SAR1A: variants seen among roughly 807,000 people sequenced by gnomAD.
The protein encoded by SAR1A is small COPII coat GTPase SAR1A.
In SAR1A, 6 loss-of-function variants were observed where a neutral mutation model predicts 22.6. That is an observed-to-expected ratio of 0.27 (90% confidence interval 0.15 to 0.52). The LOEUF (loss-of-function observed/expected upper bound fraction) is 0.52. Ranked by LOEUF, SAR1A falls within the 20% of genes least tolerant of loss-of-function variation. The pLI is 0.96. For missense variants in SAR1A, 145 were observed against 245.1 expected (o/e 0.59, Z 2.73); for synonymous variants, 70 against 82.2 (o/e 0.85, Z 0.80).
At chr10:70,155,050 G>GA in intron 5 of SAR1A, 1 of 515,000 alleles carries the variant, frequency 1.9e-6, no homozygotes, top group Non-Finnish European at 4.0e-6. Flanking sequence ...AGATAGACAT[G>GA]CAGCGACAAA....
chr10:70,150,909 C>T lies in SAR1A; in HGVS notation c.*1567G>A, dbSNP rs1199338576. On this transcript the variant is annotated 3_prime_UTR_variant, in exon 7 of 7. Coordinates refer to ENST00000373241, the MANE Select transcript of SAR1A (RefSeq NM_020150.5). ...TCCAACTAAAGAACAATGCCTCCCT[C>T]ACCCCAGTAATGTTATCCACATTTT... is the stretch of plus-strand genomic sequence containing the variant. 1 of 152,322 alleles carries T rather than the reference C, an allele frequency of 6.6e-6. No individual in the cohort carries two copies. Among genetic ancestry groups the T allele is most frequent in the African/African-American group, 2.4e-5 (1 of 41,436 alleles). 9.4% of individuals were successfully genotyped at this position (152,322 alleles called of 1,614,324 possible). A position where few individuals can be genotyped will look rare whatever the true frequency, so the allele number is the denominator to read the frequency against.
rs141534343 is a variant in SAR1A at position 70,167,715 on chromosome 10, T to C, written c.-17+2698A>G. Among the ~76,000 whole-genome samples the C allele has an allele frequency of 2.8e-3, 434 of 152,326 alleles. 2 individuals carry two copies. The highest frequency in any genetic ancestry group is 0.01 in the African/African-American group (417 of 41,576). On this transcript the variant is annotated intron_variant, in intron 1 of 6. Transcript: ENST00000373241. ...TCTGTAAATTTTAGGGCCTAATTAA[T>C]ATTTATTTTTCACGGCCCTTACCAA...
At chr10:70,162,070 T>A (rs911175204) in intron 1 of SAR1A, 139 bp from the exon 2 acceptor site, 9 of 644,208 alleles carry the variant, frequency 1.4e-5, no homozygotes, top group Non-Finnish European at 2.4e-5. Context: ...CCAGGCATGG[T>A]GGCTCACACC....
chr10:70,151,976 C>T lies in SAR1A; in HGVS notation c.*500G>A, dbSNP rs887108091. 1.2e-5 allele frequency: 2 copies of T among 171,164 alleles called. No homozygotes were observed. The highest frequency in any genetic ancestry group is 1.2e-4 in the Admixed American group (2 of 17,066). The allele number at this position is 171,164 out of a possible 1,614,324, so 10.6% of individuals were successfully genotyped here. ...CTAACTCAGCAGGAGTAAGTTTACCCAAATGAGCTCTGGCCTCCATATCTG... is the reference window on the plus strand; with the variant it reads ...CTAACTCAGCAGGAGTAAGTTTACCTAAATGAGCTCTGGCCTCCATATCTG... On this transcript the variant is annotated 3_prime_UTR_variant, in exon 7 of 7. Coordinates refer to ENST00000373241, the MANE Select transcript of SAR1A (RefSeq NM_020150.5).
At chr10:70,161,150 G>T in intron 3 of SAR1A, 81 bp from the exon 4 acceptor site, 1 of 979,834 alleles carries the variant, frequency 1.0e-6, no homozygotes, top group Non-Finnish European at 1.6e-6. Flanking sequence ...CAATATCAAT[G>T]CTTTCATCTT....
intron 1 of SAR1A, among the ~76,000 whole-genome samples, chr10:70,167,083 T>C (rs1330267233): frequency 6.6e-6 from 1 of 152,196 alleles, no homozygotes; most frequent in African/African-American, 2.4e-5. Context: ...CTGGTACTGA[T>C]ATTAACACTA....
At position 70,163,634 on chromosome 10, in the gene SAR1A, C is replaced by A. The variant is rs913528557; in HGVS notation, c.-16-1703G>T. 9 of 718,492 alleles carry A rather than the reference C, an allele frequency of 1.3e-5. No individual in the cohort carries two copies. In the Middle Eastern group the frequency reaches 7.3e-4, roughly 58 times the overall value. 44.5% of individuals were successfully genotyped at this position (718,492 alleles called of 1,614,324 possible). A position where few individuals can be genotyped will look rare whatever the true frequency, so the allele number is the denominator to read the frequency against. On this transcript the variant is annotated intron_variant, in intron 1 of 6. Transcript: ENST00000373241. ...AATCAGTCCAAGTGGAGCAAGTGAG[C>A]GAGCAGAGTGGTTGTGTGGTTGCGT...
intron 1 of SAR1A, among the ~76,000 whole-genome samples, chr10:70,168,805 T>C (rs183092895): frequency 6.6e-6 from 1 of 152,070 alleles, no homozygotes; most frequent in East Asian, 1.9e-4. Context: ...GTTGCACTGC[T>C]ACCCAAAGTT....
chr10:70,153,394 G>A (rs554207760), intron 6 of SAR1A, among the ~76,000 whole-genome samples: 5 of 152,184 alleles, frequency 3.3e-5, no homozygotes, highest in Admixed American at 1.3e-4. Flanking sequence ...TGCAAAATGC[G>A]GCCAACAGTC....
rs1402913855 is a variant in SAR1A at position 70,150,979 on chromosome 10, C to A, written c.*1497G>T. 1 of 152,242 alleles carries A rather than the reference C, an allele frequency of 6.6e-6. No individual in the cohort carries two copies. The highest frequency in any genetic ancestry group is 1.5e-5 in the Non-Finnish European group (1 of 68,042). The allele number at this position is 152,242 out of a possible 1,614,324, so 9.4% of individuals were successfully genotyped here. A position where few individuals can be genotyped will look rare whatever the true frequency, so the allele number is the denominator to read the frequency against. On this transcript the variant is annotated 3_prime_UTR_variant, in exon 7 of 7. Transcript: ENST00000373241. ...TAAAGACATCCTCCCAACTTTTCAT[C>A]TCCTATCTCCAATCTGTTCATAGGA... is the stretch of plus-strand genomic sequence containing the variant.
At chr10:70,154,040 A>G in intron 5 of SAR1A, 71 bp from the exon 6 acceptor site, 1 of 1,251,086 alleles carries the variant, frequency 8.0e-7, no homozygotes, top group Non-Finnish European at 1.1e-6. Context: ...CCCACCAGAT[A>G]ATGAAAATTC....
intron 1 of SAR1A, among the ~76,000 whole-genome samples, chr10:70,165,999 A>G (rs552524358): frequency 9.2e-5 from 14 of 152,378 alleles, no homozygotes; most frequent in Admixed American, 8.5e-4. Context: ...TAAGATCCCC[A>G]ACCAGCAAAG....
At chr10:70,156,255 C>T (rs1839385214) in intron 5 of SAR1A, among the ~76,000 whole-genome samples, 1 of 152,276 alleles carries the variant, frequency 6.6e-6, no homozygotes, top group African/African-American at 2.4e-5. Flanking sequence ...GGAGAAAGTA[C>T]TCTGGAGAAC....
intron 1 of SAR1A, chr10:70,163,930 A>C: frequency 6.3e-7 from 1 of 1,586,866 alleles, no homozygotes; most frequent in Non-Finnish European, 8.7e-7. Flanking sequence ...ACAGACAGTG[A>C]AGAAGAAATT....
At position 70,161,637 on chromosome 10, in the gene SAR1A, C is replaced by T; in HGVS notation, c.160G>A (p.Val54Ile). 6.2e-7 allele frequency: 1 copy of T among 1,612,286 alleles called. No individual in the cohort carries two copies. The highest frequency in any genetic ancestry group is 8.5e-7 in the Non-Finnish European group (1 of 1,179,998). Residue 54 changes from valine (V) to isoleucine (I), a missense_variant, in exon 3 of 7, where the codon GTT (valine) becomes ATT (isoleucine). Val to Ile is a conservative substitution (Grantham distance 29, BLOSUM62 3). Coordinates refer to ENST00000373241, the MANE Select transcript of SAR1A (RefSeq NM_020150.5). Reference protein sequence around the residue: ...MLKDDRLGQHVPTLHPTSEEL... With the variant: ...MLKDDRLGQHIPTLHPTSEEL... ...AACCTACTCGGATGTAGTGTTGGAACATGTTGGCCCAATCTGTCATCTTTG... is the reference window on the plus strand; with the variant it reads ...AACCTACTCGGATGTAGTGTTGGAATATGTTGGCCCAATCTGTCATCTTTG...
chr10:70,157,764 AT>A lies in SAR1A; in HGVS notation c.347del (p.Asn116MetfsTer3). ...ATACACATTAAAGGACAAAACATAC[AT>A]TAAGCTCAACTTTGGATTCCACGAG... ...SRLVESKVEL[N>X]ALMTDETISN... On this transcript the variant is annotated frameshift_variant and splice_region_variant, in exon 5 of 7. Transcript: ENST00000373241. LOFTEE classifies it high-confidence loss of function. The A allele has an allele frequency of 6.2e-7, 1 of 1,609,074 alleles. No homozygotes were observed. Among genetic ancestry groups the A allele is most frequent in the Non-Finnish European group, 8.5e-7 (1 of 1,175,628 alleles).
chr10:70,164,611 A>C (rs1177602870), intron 1 of SAR1A, among the ~76,000 whole-genome samples: 1 of 152,196 alleles, frequency 6.6e-6, no homozygotes, highest in Non-Finnish European at 1.5e-5. Context: ...CTGTACCAGA[A>C]ACATTTTCTT....
In SAR1A at chr10:70,161,438, A is replaced by C. The variant is rs555651573; in HGVS notation, c.178+181T>G. ...GGACCAGTGACAACAGATAATGACAAAGTTCCAGAGGTTTAGATCTGAAAG... is the reference window on the plus strand; with the variant it reads ...GGACCAGTGACAACAGATAATGACACAGTTCCAGAGGTTTAGATCTGAAAG... On this transcript the variant is annotated intron_variant, in intron 3 of 6. Coordinates refer to ENST00000373241, the MANE Select transcript of SAR1A (RefSeq NM_020150.5). 12 of 666,116 alleles carry C rather than the reference A, an allele frequency of 1.8e-5. No homozygotes were observed. In the African/African-American group the frequency reaches 2.2e-4, roughly 12 times the overall value. 41.3% of individuals were successfully genotyped at this position (666,116 alleles called of 1,614,324 possible).
chr10:70,170,184 A>G (rs1485733116), intron 1 of SAR1A, among the ~76,000 whole-genome samples: 1 of 151,986 alleles, frequency 6.6e-6, no homozygotes, highest in Non-Finnish European at 1.5e-5. Flanking sequence ...GAGACCCCCG[A>G]GCGGAATGCA....
Sources: allele counts gnomAD v4.1 joint callset (sites outside exome capture counted in the v4.1 genomes callset), GRCh38; gene constraint gnomAD v4.1.1; transcripts MANE v1.5; gene names NCBI Gene and HGNC (gene_info 2026-07-23, HGNC 2026-07-21).